Variants in WDPCP observed in about 807,000 individuals in gnomAD.
WDPCP encodes WD repeat-containing and planar cell polarity effector protein fritz homolog.
WDPCP carries 71 observed loss-of-function variants against 93.1 expected under a neutral mutation model. That is an observed-to-expected ratio of 0.76 (90% CI 0.63 to 0.93). The LOEUF (loss-of-function observed/expected upper bound fraction) is 0.93, where lower values mean the gene tolerates loss of function less well. Among genes scored for constraint, WDPCP ranks in the 40% least tolerant of loss-of-function variants. The probability of loss-of-function intolerance (pLI) is 0.00; values close to 1 mark genes in which losing one functional copy is unlikely to be tolerated. For missense variants in WDPCP, 844 were observed against 887.4 expected (o/e 0.95, Z 0.62); for synonymous variants, 315 against 315.0 (o/e 1.00, Z 0.00).
chr2:63,561,350 C>T (rs1706602380), intron 1 of WDPCP, among the ~76,000 whole-genome samples: 1 of 152,164 alleles, frequency 6.6e-6, no homozygotes, highest in South Asian at 2.1e-4. Flanking sequence ...TGGTGGCACA[C>T]ACCCGTAGTC....
chr2:63,158,973 C>CA lies in WDPCP; in HGVS notation c.2079-5400dup, dbSNP rs34001322. 8.8e-3 allele frequency among the ~76,000 whole-genome samples: 538 copies of CA among 61,110 alleles called. 22 individuals are homozygous for CA. Among genetic ancestry groups the CA allele is most frequent in the Non-Finnish European group, 8.8e-3 (306 of 34,884 alleles). The allele number at this position is 61,110 out of a possible 152,430, so 40.1% of individuals were successfully genotyped here. ...GTAACATGGTAAAACCTCATCTCTA[C>CA]AAAAAAAAAAAAAAAAAAAAAAAAA... On this transcript the variant is annotated intron_variant, in intron 15 of 17. Coordinates refer to ENST00000272321, the MANE Select transcript of WDPCP (RefSeq NM_015910.7).
At chr2:63,765,391 C>T (rs925683829) in intron 2 of WDPCP, among the ~76,000 whole-genome samples, 7 of 152,176 alleles carry the variant, frequency 4.6e-5, no homozygotes, top group African/African-American at 1.7e-4. Context: ...AGAAAAGCAG[C>T]AGAACAGTTT....
At chr2:63,230,636 G>C (rs1678779668) in intron 14 of WDPCP, among the ~76,000 whole-genome samples, 1 of 152,134 alleles carries the variant, frequency 6.6e-6, no homozygotes, top group African/African-American at 2.4e-5. Flanking sequence ...ATTCTAACTG[G>C]TGTGAGATGG....
intron 12 of WDPCP, among the ~76,000 whole-genome samples, chr2:63,373,642 T>C (rs2104806177): frequency 6.6e-6 from 1 of 152,176 alleles, no homozygotes; most frequent in Non-Finnish European, 1.5e-5. Flanking sequence ...TATTGAGTTT[T>C]TGATTCATTG....
intron 3 of WDPCP, among the ~76,000 whole-genome samples, chr2:63,607,785 G>A (rs552772690): frequency 5.1e-4 from 77 of 149,730 alleles, no homozygotes; most frequent in African/African-American, 1.6e-3. Context: ...AGCAGATGGC[G>A]CCACTGCACT....
intron 1 of WDPCP, among the ~76,000 whole-genome samples, chr2:63,529,309 G>C (rs146512645): frequency 0.011 from 1,604 of 152,282 alleles, 17 homozygotes; most frequent in Non-Finnish European, 0.015. Flanking sequence ...CAAAGGGAAT[G>C]CTTCCAGTTT....
At chr2:63,392,693 A>T (rs1693368136) in intron 10 of WDPCP, among the ~76,000 whole-genome samples, 1 of 152,226 alleles carries the variant, frequency 6.6e-6, no homozygotes, top group Non-Finnish European at 1.5e-5. Context: ...TTTACAAGAA[A>T]AAAACAAACA....
rs995929084 is a variant in WDPCP, at chr2:63,631,153, C to T, written n.488+19506G>A. 2.1e-4 allele frequency among the ~76,000 whole-genome samples: 32 copies of T among 152,090 alleles called. 1 individual carries two copies. The highest frequency in any genetic ancestry group is 1.4e-3 in the East Asian group (7 of 5,166). On this transcript the variant is annotated intron_variant and non_coding_transcript_variant, in intron 3 of 4. Coordinates refer to the WDPCP transcript ENST00000467687. ...AAAATTAGCTGGGTGTGGCAGTGCA[C>T]ACCTGTAATCCCAGGTACTAAGGAG...
chr2:63,364,729 T>G (rs1298003164), intron 12 of WDPCP, among the ~76,000 whole-genome samples: 2 of 152,222 alleles, frequency 1.3e-5, no homozygotes, highest in African/African-American at 4.8e-5. Context: ...TTCAATATTT[T>G]CAATAACCTC....
chr2:63,373,107 G>C (rs1397336917), intron 12 of WDPCP, among the ~76,000 whole-genome samples: 2 of 152,004 alleles, frequency 1.3e-5, no homozygotes, highest in Admixed American at 6.6e-5. Flanking sequence ...TGGGCAACAA[G>C]AGTGAAACGC....
intron 1 of WDPCP, among the ~76,000 whole-genome samples, chr2:63,527,284 A>G: frequency 6.7e-6 from 1 of 150,190 alleles, no homozygotes. Context: ...GGTTTGTTAC[A>G]TATGTATACC....
At chr2:63,718,731 C>T (rs988329693) in intron 2 of WDPCP, among the ~76,000 whole-genome samples, 1 of 151,926 alleles carries the variant, frequency 6.6e-6, no homozygotes, top group African/African-American at 2.4e-5. Flanking sequence ...ATTTCTTGTG[C>T]TTTGTAGAAG....
intron 2 of WDPCP, among the ~76,000 whole-genome samples, chr2:63,681,798 T>C (rs1302053446): frequency 3.9e-5 from 6 of 152,160 alleles, no homozygotes; most frequent in Non-Finnish European, 8.8e-5. Context: ...ACAGTGGTGC[T>C]TGTATCACTG....
intron 1 of WDPCP, among the ~76,000 whole-genome samples, chr2:63,523,731 G>T (rs1703112646): frequency 6.6e-6 from 1 of 152,108 alleles, no homozygotes; most frequent in Non-Finnish European, 1.5e-5. Flanking sequence ...GGCCAATGTG[G>T]CAAAACGCCA....
In WDPCP at chr2:63,433,736, T is replaced by C; in HGVS notation, c.825+9A>G. On this transcript the variant is annotated intron_variant, in intron 9 of 17. Coordinates refer to ENST00000272321, the MANE Select transcript of WDPCP (RefSeq NM_015910.7). Reference sequence around the variant, plus strand: ...TTTATTAAAATGTACATATTTGTTTTAGATTTACCTCTAGTCTTCCTTGAG... The same window carrying C: ...TTTATTAAAATGTACATATTTGTTTCAGATTTACCTCTAGTCTTCCTTGAG... 1 of 1,607,430 alleles carries C rather than the reference T, an allele frequency of 6.2e-7. No individual in the cohort carries two copies. The highest frequency in any genetic ancestry group is 8.5e-7 in the Non-Finnish European group (1 of 1,175,434).
rs1026359002 is a variant in WDPCP at position 63,378,429 on chromosome 2, G to C, written c.1705C>G (p.Gln569Glu). 3.1e-6 allele frequency: 5 copies of C among 1,613,058 alleles called. No individual in the cohort carries two copies. Among genetic ancestry groups the C allele is most frequent in the African/African-American group, 2.7e-5 (2 of 74,860 alleles). Residue 569 changes from glutamine to glutamate, a missense_variant, in exon 12 of 18, where the codon CAA becomes GAA. Gln to Glu is a conservative substitution (Grantham distance 29). Transcript: ENST00000272321. ...AATCTCCTTGCATATTTGCTGATTTGATCTCTATATTCCAATATAGTGGAA... is the reference window on the plus strand; with the variant it reads ...AATCTCCTTGCATATTTGCTGATTTCATCTCTATATTCCAATATAGTGGAA... Reference protein sequence around the residue: ...LDSTILEYRDQISKYARRFFH... With the variant: ...LDSTILEYRDEISKYARRFFH...
intron 10 of WDPCP, among the ~76,000 whole-genome samples, chr2:63,391,282 G>A (rs188547275): frequency 2.6e-5 from 4 of 152,120 alleles, no homozygotes; most frequent in South Asian, 2.1e-4. Context: ...CAGAACCAAC[G>A]ACAAAAACCA....
intron 2 of WDPCP, among the ~76,000 whole-genome samples, chr2:63,795,078 A>C (rs909523635): frequency 3.3e-5 from 5 of 152,178 alleles, no homozygotes; most frequent in East Asian, 1.9e-4. Context: ...CAGCCTTCTT[A>C]TTATCTGATT....
At chr2:63,350,947 T>C (rs988568800) in intron 12 of WDPCP, among the ~76,000 whole-genome samples, 3 of 149,716 alleles carry the variant, frequency 2.0e-5, no homozygotes, top group Admixed American at 1.3e-4. Context: ...TAAATATTTG[T>C]CTCTAATTTT....
Sources: allele counts gnomAD v4.1 joint callset (sites outside exome capture counted in the v4.1 genomes callset), GRCh38; gene constraint gnomAD v4.1.1; transcripts MANE v1.5; gene names NCBI Gene and HGNC (gene_info 2026-07-23, HGNC 2026-07-21).